KCNJ10: variants seen among roughly 807,000 people sequenced by gnomAD.
The protein encoded by KCNJ10 is ATP-sensitive inward rectifier potassium channel 10.
KCNJ10 carries 9 observed loss-of-function variants against 22.2 expected under a neutral mutation model. That is an observed-to-expected ratio of 0.40 (90% CI 0.24 to 0.71). KCNJ10 has a LOEUF of 0.71. Among genes scored for constraint, KCNJ10 ranks in the 30% least tolerant of loss-of-function variants. The pLI, the probability that KCNJ10 is intolerant of heterozygous loss-of-function variation, is 0.35. For synonymous variants in KCNJ10, 184 were observed against 187.3 expected, an observed-to-expected ratio of 0.98 and a Z score of 0.15; for missense variants, 337 against 482.7, an observed-to-expected ratio of 0.70 and a Z score of 2.83.
At chr1:160,056,008 T>C (rs892529601) in intron 1 of KCNJ10, among the ~76,000 whole-genome samples, 5 of 152,190 alleles carry the variant, frequency 3.3e-5, no homozygotes, top group Non-Finnish European at 5.9e-5. Flanking sequence ...GTGTTTTCCT[T>C]CTTGTTCACA....
chr1:160,053,931 A>G (rs1571271294), intron 1 of KCNJ10, among the ~76,000 whole-genome samples: 1 of 152,120 alleles, frequency 6.6e-6, no homozygotes, highest in African/African-American at 2.4e-5. Context: ...GCCACATCAG[A>G]TATTCTCTGG....
In KCNJ10 at chr1:160,041,900, G is replaced by A. The variant is rs769602370; in HGVS notation, c.633C>T (p.Cys211=). The part of the protein sequence containing the change: ...ANMRKSLLIG[C]QVTGKLLQTH... ...TCTGAAGCAGTTTTCCTGTCACCTG[G>A]CAGCCAATGAGGAGGCTTTTGCGCA... The change falls in exon 2 of 2, where the codon TGC becomes TGT. Residue 211 remains cysteine (C), a synonymous_variant. Transcript: ENST00000644903. This position sits in a 1 kb window ranked among gnomAD's most constrained non-coding sequence, Gnocchi z 4.4. The A allele has an allele frequency of 2.5e-6, 4 of 1,614,116 alleles. No individual in the cohort carries two copies. In the Admixed American group the frequency reaches 6.7e-5, roughly 27 times the overall value.
chr1:160,041,660 A>G lies in KCNJ10; in HGVS notation c.873T>C (p.Ser291=). The G allele has an allele frequency of 6.2e-7, 1 of 1,614,246 alleles. No individual in the cohort carries two copies. The highest frequency in any genetic ancestry group is 8.5e-7 in the Non-Finnish European group (1 of 1,180,036). ...AGGAAGTGCGCACCTGACAGGTGGCACTGGTGGACTCCACTGTCCCACTTA... is the reference window on the plus strand; with the variant it reads ...AGGAAGTGCGCACCTGACAGGTGGCGCTGGTGGACTCCACTGTCCCACTTA... The part of the protein sequence containing the change: ...LILSGTVEST[S]ATCQVRTSYL... The change falls in exon 2 of 2, where the codon AGT becomes AGC. Residue 291 remains serine (S), a synonymous_variant. Transcript: ENST00000644903. The surrounding 1 kb of genome is among the most constrained non-coding windows in gnomAD (Gnocchi z 4.4).
chr1:160,038,546 G>C lies in KCNJ10; in HGVS notation c.*2847C>G, dbSNP rs894497711. 6.6e-6 allele frequency: 1 copy of C among 152,080 alleles called. No homozygotes were observed. The highest frequency in any genetic ancestry group is 1.5e-5 in the Non-Finnish European group (1 of 68,024). 9.4% of individuals were successfully genotyped at this position (152,080 alleles called of 1,614,324 possible). A position where few individuals can be genotyped will look rare whatever the true frequency, so the allele number is the denominator to read the frequency against. On this transcript the variant is annotated 3_prime_UTR_variant, in exon 2 of 2. Coordinates refer to ENST00000644903, the MANE Select transcript of KCNJ10 (RefSeq NM_002241.5). ...CATGTTGAAACCAGGACCACTGATT[G>C]TAAGTCTGAAAATCTGGGTGTCCTA...
At chr1:160,043,885 C>T (rs1311676819) in intron 1 of KCNJ10, among the ~76,000 whole-genome samples, 1 of 152,182 alleles carries the variant, frequency 6.6e-6, no homozygotes, top group Non-Finnish European at 1.5e-5. Context: ...TCACTTGAGC[C>T]CTTGGACCCT....
rs12405605 is a variant in KCNJ10, at chr1:160,055,723, G to A, written c.1-13191C>T. On this transcript the variant is annotated intron_variant, in intron 1 of 1. Transcript: ENST00000644903. ...TACTCTCGGACACCATGTTCTCGGGGTTCTTTCTCTACCTCTGTGTTTACT... is the reference window on the plus strand; with the variant it reads ...TACTCTCGGACACCATGTTCTCGGGATTCTTTCTCTACCTCTGTGTTTACT... Among the ~76,000 whole-genome samples the A allele has an allele frequency of 1.6e-3, 247 of 152,268 alleles. 3 individuals carry two copies. The highest frequency in any genetic ancestry group is 0.014 in the Admixed American group (212 of 15,298).
At chr1:160,066,871 T>C (rs1163190328) in intron 1 of KCNJ10, among the ~76,000 whole-genome samples, 3 of 152,164 alleles carry the variant, frequency 2.0e-5, no homozygotes. Context: ...TTGGTTGGTT[T>C]TTTTGGTCCA....
At chr1:160,048,379 C>G (rs1359164719) in intron 1 of KCNJ10, among the ~76,000 whole-genome samples, 2 of 109,996 alleles carry the variant, frequency 1.8e-5, no homozygotes, top group African/African-American at 6.4e-5. Context: ...GATATCAGTC[C>G]CTGCTCCTTC....
At chr1:160,060,989 T>A (rs1649177144) in intron 1 of KCNJ10, among the ~76,000 whole-genome samples, 1 of 152,120 alleles carries the variant, frequency 6.6e-6, no homozygotes. Flanking sequence ...GTAGGCTCAC[T>A]CTGCCTAGGG....
At chr1:160,062,940 G>A (rs766605065) in intron 1 of KCNJ10, among the ~76,000 whole-genome samples, 1 of 152,112 alleles carries the variant, frequency 6.6e-6, no homozygotes, top group Non-Finnish European at 1.5e-5. Flanking sequence ...GGGAAGCAGG[G>A]GTTAGGGACA....
At chr1:160,067,390 C>A (rs1057114559) in intron 1 of KCNJ10, among the ~76,000 whole-genome samples, 1 of 152,218 alleles carries the variant, frequency 6.6e-6, no homozygotes, top group Non-Finnish European at 1.5e-5. Flanking sequence ...CTGGAGAGAC[C>A]GAAGTGACAT....
intron 1 of KCNJ10, among the ~76,000 whole-genome samples, chr1:160,045,018 C>T (rs191375409): frequency 1.4e-3 from 212 of 152,246 alleles, no homozygotes; most frequent in African/African-American, 4.8e-3. Flanking sequence ...GTCTCAAAAA[C>T]AATAATAACC....
At chr1:160,067,525 G>C (rs749625380) in intron 1 of KCNJ10, among the ~76,000 whole-genome samples, 3 of 152,158 alleles carry the variant, frequency 2.0e-5, no homozygotes, top group Non-Finnish European at 4.4e-5. Flanking sequence ...ATGTGCCTTG[G>C]CTGATTCCTT....
At chr1:160,052,837 C>T (rs1168143371) in intron 1 of KCNJ10, among the ~76,000 whole-genome samples, 15 of 152,142 alleles carry the variant, frequency 9.9e-5, no homozygotes, top group Admixed American at 9.2e-4. Context: ...AGGGCATACA[C>T]TAGTATGTCA....
chr1:160,051,105 A>AGCTGGCCAGCTGGCCACCAT (rs1648892296), intron 1 of KCNJ10, among the ~76,000 whole-genome samples: 1 of 150,566 alleles, frequency 6.6e-6, no homozygotes, highest in South Asian at 2.1e-4. Flanking sequence ...CACCATAACC[A>AGCTGGCCAGCTGGCCACCAT]GCTGGCCAGC....
In KCNJ10 at chr1:160,062,257, G is replaced by T. The variant is rs1031584297; in HGVS notation, c.-1+7765C>A. ...CTCTGGGCCCTCCGGACACTGGGGCGAAGGGGGGGTGGTGGGGAAGGCTCT... is the reference window on the plus strand; with the variant it reads ...CTCTGGGCCCTCCGGACACTGGGGCTAAGGGGGGGTGGTGGGGAAGGCTCT... On this transcript the variant is annotated intron_variant, in intron 1 of 1. Coordinates refer to ENST00000644903, the MANE Select transcript of KCNJ10 (RefSeq NM_002241.5). 3.3e-5 allele frequency among the ~76,000 whole-genome samples: 5 copies of T among 152,298 alleles called. No individual in the cohort carries two copies. The East Asian group carries it at 9.7e-4, about 29-fold the overall frequency.
At chr1:160,055,578 A>G (rs1395808285) in intron 1 of KCNJ10, among the ~76,000 whole-genome samples, 4 of 152,128 alleles carry the variant, frequency 2.6e-5, no homozygotes, top group African/African-American at 4.8e-5. Flanking sequence ...ATGAGTTTCT[A>G]TTTCCCTTAT....
intron 1 of KCNJ10, among the ~76,000 whole-genome samples, chr1:160,061,854 G>A (rs1351896358): frequency 1.3e-5 from 2 of 151,936 alleles, no homozygotes; most frequent in Non-Finnish European, 2.9e-5. Context: ...TGTTGTGTCT[G>A]GGCACATCCG....
At chr1:160,063,981 GA>G (rs1268182021) in intron 1 of KCNJ10, among the ~76,000 whole-genome samples, 1 of 152,204 alleles carries the variant, frequency 6.6e-6, no homozygotes, top group Non-Finnish European at 1.5e-5. Flanking sequence ...GAAGCACAGA[GA>G]TATTAATAAT....
Sources: gnomAD v4.1 joint callset for allele counts (sites outside exome capture counted in the v4.1 genomes callset) on GRCh38, gnomAD v4.1.1 for gene constraint, Gnocchi (gnomAD v3.1) non-coding constraint, MANE v1.5 for transcripts, NCBI Gene and HGNC (gene_info 2026-07-23, HGNC 2026-07-21) for gene names.